The following UFD1 variants were observed in gnomAD, a reference collection of about 807,000 sequenced individuals.
The protein encoded by UFD1 is ubiquitin recognition factor in ER associated degradation 1.
A neutral mutation model predicts 45.9 loss-of-function variants in UFD1; 13 were observed. The observed-to-expected ratio is 0.28, with a 90% CI of 0.18 to 0.45. The LOEUF (loss-of-function observed/expected upper bound fraction) is 0.45, where lower values mean the gene tolerates loss of function less well. Ranked by LOEUF, UFD1 falls within the 20% of genes least tolerant of loss-of-function variation. The probability of loss-of-function intolerance (pLI) is 1.00; values close to 1 mark genes in which losing one functional copy is unlikely to be tolerated. For missense variants in UFD1, 218 were observed against 389.2 expected (o/e 0.56, Z 3.70); for synonymous variants, 128 against 139.2 (o/e 0.92, Z 0.56).
chr22:19,451,140 A>G (rs1017924680), intron 11 of UFD1: 1 of 990,042 alleles, frequency 1.0e-6, no homozygotes, highest in Non-Finnish European at 1.2e-6. Context: ...AAAAAAAAAA[A>G]AAGTCTGTAA....
chr22:19,459,178 G>A (rs1457883760), intron 6 of UFD1, among the ~76,000 whole-genome samples: 1 of 152,202 alleles, frequency 6.6e-6, no homozygotes, highest in Non-Finnish European at 1.5e-5. Flanking sequence ...TACTCAAAAT[G>A]CAGCTGAATT....
At chr22:19,451,306 G>C in intron 11 of UFD1, 1 of 985,492 alleles carries the variant, frequency 1.0e-6, no homozygotes, top group Non-Finnish European at 1.2e-6. Context: ...CCATGATGTA[G>C]GAGGGCCAGT....
chr22:19,455,554 G>T, intron 10 of UFD1, 126 bp downstream of exon 10: 1 of 812,988 alleles, frequency 1.2e-6, no homozygotes, highest in Non-Finnish European at 2.0e-6. Context: ...GAGCAGCTAA[G>T]GGTTTTAGTC....
chr22:19,471,747 C>T lies in UFD1; in HGVS notation c.231G>A (p.Met77Ile), dbSNP rs2089847601. 1 of 1,614,138 alleles carries T rather than the reference C, an allele frequency of 6.2e-7. No homozygotes were observed. The highest frequency in any genetic ancestry group is 1.7e-4 in the Middle Eastern group (1 of 6,016). Residue 77 changes from methionine (M) to isoleucine (I), a missense_variant, in exon 4 of 12, where the codon ATG becomes ATA. Coordinates refer to ENST00000263202, the MANE Select transcript of UFD1 (RefSeq NM_005659.7). ...FKLTNKNSDR[M>I]THCGVLEFVA... ...CAAACTCCAGCACGCCACAATGCGT[C>T]ATGCGGTCCGAATTCTTATTGGTCA... is the stretch of plus-strand genomic sequence containing the variant.
Position 19,458,107 on chromosome 22 carries a change from G to A in UFD1, c.528C>T (p.Pro176=), listed in dbSNP as rs879211172. 1.6e-5 allele frequency: 26 copies of A among 1,614,020 alleles called. No homozygotes were observed. Among genetic ancestry groups the A allele is most frequent in the East Asian group, 2.2e-5 (1 of 44,886 alleles). Residue 176 remains proline (P), a synonymous_variant, in exon 7 of 12, where the codon CCC becomes CCT. Coordinates refer to ENST00000263202, the MANE Select transcript of UFD1 (RefSeq NM_005659.7). ...IYELRVMETK[P]DKAVSIIECD... is the part of the protein sequence containing the mutation. The stretch of plus-strand genomic sequence containing the variant: ...ACTCAATGATGGACACTGCCTTGTC[G>A]GGTTTGGTCTCCATCACACGCAGTT...
intron 11 of UFD1, chr22:19,452,012 T>C (rs1870770514): frequency 1.1e-6 from 1 of 879,422 alleles, no homozygotes; most frequent in South Asian, 5.3e-5. Flanking sequence ...TGAGAAAAGA[T>C]GCATGAGGAT....
chr22:19,469,814 C>T (rs946139773), intron 4 of UFD1: 8 of 458,256 alleles, frequency 1.7e-5, no homozygotes, highest in African/African-American at 1.0e-4. Flanking sequence ...GATGGCTTCA[C>T]ACCCCAAACC....
At chr22:19,464,174 T>A (rs908816341) in intron 6 of UFD1, among the ~76,000 whole-genome samples, 1 of 152,196 alleles carries the variant, frequency 6.6e-6, no homozygotes, top group African/African-American at 2.4e-5. Flanking sequence ...ATAAGCTGGA[T>A]CCCTGCACTG....
At position 19,465,037 on chromosome 22, in the gene UFD1, T is replaced by C. The variant is rs545745449; in HGVS notation, c.495+165A>G. ...CTCAAAACAGAGTTACCAAATGAAT[T>C]AGGGCTCTAAATATGAACCCGGGAA... is the stretch of plus-strand genomic sequence containing the variant. On this transcript the variant is annotated intron_variant, in intron 6 of 11. Coordinates refer to ENST00000263202, the MANE Select transcript of UFD1 (RefSeq NM_005659.7). 2.8e-5 allele frequency: 18 copies of C among 635,840 alleles called. No individual in the cohort carries two copies. The East Asian group carries it at 4.6e-4, about 16-fold the overall frequency. 39.4% of individuals were successfully genotyped at this position (635,840 alleles called of 1,614,324 possible).
At position 19,456,903 on chromosome 22, in the gene UFD1, G is replaced by A. The variant is rs2089727741; in HGVS notation, c.580C>T (p.Pro194Ser). The change falls in exon 8 of 12, where the codon CCC becomes TCC. Residue 194 changes from proline (P) to serine (S), a missense_variant. Pro to Ser is a moderately conservative substitution (Grantham distance 74). Coordinates refer to ENST00000263202, the MANE Select transcript of UFD1 (RefSeq NM_005659.7). ...CTTTCGGGTTCTTTGTAGCCCAGGG[G>A]AGCATCAAAGTCCACCTGTGTTTCC... ...ECDMNVDFDA[P>S]LGYKEPERQV... 6.2e-7 allele frequency: 1 copy of A among 1,600,806 alleles called. No individual in the cohort carries two copies. The highest frequency in any genetic ancestry group is 1.7e-5 in the Admixed American group (1 of 58,052).
At chr22:19,469,816 C>T in intron 4 of UFD1, 1 of 459,304 alleles carries the variant, frequency 2.2e-6, no homozygotes, top group Non-Finnish European at 4.4e-6. Flanking sequence ...TGGCTTCACA[C>T]CCCAAACCAG....
At chr22:19,456,796 AG>A (rs935220373) in intron 8 of UFD1, 56 bp downstream of exon 8, 5 of 1,614,018 alleles carry the variant, frequency 3.1e-6, no homozygotes, top group Non-Finnish European at 4.2e-6. Flanking sequence ...AGCCACTGCC[AG>A]GAACTCAAAA....
chr22:19,478,267 T>G (rs192520096), intron 1 of UFD1, among the ~76,000 whole-genome samples: 1 of 152,242 alleles, frequency 6.6e-6, no homozygotes. Flanking sequence ...AGAATAGAAA[T>G]AAGCCAGGGT....
chr22:19,478,831 T>C (rs1047730572), intron 1 of UFD1: 4 of 531,370 alleles, frequency 7.5e-6, no homozygotes, highest in Middle Eastern at 5.0e-4. Flanking sequence ...AAACCTTCCT[T>C]TCTTTCGTCA....
intron 4 of UFD1, among the ~76,000 whole-genome samples, chr22:19,468,304 T>C (rs1191735781): frequency 3.3e-5 from 5 of 152,160 alleles, no homozygotes; most frequent in South Asian, 2.1e-4. Context: ...TTTCCTGGAA[T>C]AGTCACTCAC....
intron 11 of UFD1, 49 bp from the exon 12 acceptor site, chr22:19,450,793 CAATAA>C: frequency 6.2e-7 from 1 of 1,613,384 alleles, no homozygotes; most frequent in Non-Finnish European, 8.5e-7. Context: ...TGGAGGTTTA[CAATAA>C]ATGCCTTACT....
In UFD1 at chr22:19,450,806, A is replaced by C. The variant is rs970946801; in HGVS notation, c.850-62T>G. ...CCTGGAGGTTTACAATAAATGCCTTACTCTATGGACTCACGTACCATCCAC... is the reference window on the plus strand; with the variant it reads ...CCTGGAGGTTTACAATAAATGCCTTCCTCTATGGACTCACGTACCATCCAC... On this transcript the variant is annotated intron_variant, in intron 11 of 11. Transcript: ENST00000263202. The C allele has an allele frequency of 2.5e-6, 4 of 1,612,164 alleles. No individual in the cohort carries two copies. The Admixed American group carries it at 6.7e-5, about 27-fold the overall frequency.
intron 10 of UFD1, 116 bp from the exon 11 acceptor site, chr22:19,454,946 T>C: frequency 4.1e-6 from 5 of 1,206,674 alleles, no homozygotes; most frequent in Non-Finnish European, 5.6e-6. Flanking sequence ...CCTGGGCCCT[T>C]TGGTGCTTCC....
intron 4 of UFD1, among the ~76,000 whole-genome samples, chr22:19,470,288 G>C (rs1160835712): frequency 2.6e-5 from 4 of 152,228 alleles, no homozygotes; most frequent in Non-Finnish European, 5.9e-5. Flanking sequence ...GGTGCAATGG[G>C]AGTGCAGGGC....
Sources: allele counts gnomAD v4.1 joint callset (sites outside exome capture counted in the v4.1 genomes callset), GRCh38; gene constraint gnomAD v4.1.1; transcripts MANE v1.5; gene names NCBI Gene and HGNC (gene_info 2026-07-23, HGNC 2026-07-21).